The following OLA1 variants were observed in gnomAD, a reference collection of about 807,000 sequenced individuals.
The protein encoded by OLA1 is Obg like ATPase 1.
OLA1 carries 14 observed loss-of-function variants against 48.4 expected under a neutral mutation model. The ratio of observed to expected loss-of-function variants is 0.29; its 90% CI spans 0.19 to 0.45. The LOEUF (loss-of-function observed/expected upper bound fraction) is 0.45. OLA1 is among the 20% of genes least tolerant of loss of function. The pLI is 1.00. For missense variants in OLA1, 325 were observed against 467.1 expected (o/e 0.70, Z 2.80); for synonymous variants, 127 against 150.4 (o/e 0.84, Z 1.14).
chr2:174,172,166 T>C (rs1247625347), intron 4 of OLA1: 1 of 218,520 alleles, frequency 4.6e-6, no homozygotes, highest in Non-Finnish European at 9.9e-6. Flanking sequence ...GCTGGAGAGA[T>C]GTGGCGTTTG....
At chr2:174,089,975 G>C (rs1032488283) in intron 7 of OLA1, among the ~76,000 whole-genome samples, 2 of 151,444 alleles carry the variant, frequency 1.3e-5, no homozygotes, top group African/African-American at 2.4e-5. Flanking sequence ...GGAAACATCT[G>C]TAGTAAGTTA....
intron 4 of OLA1, among the ~76,000 whole-genome samples, chr2:174,210,872 C>T (rs1459910207): frequency 6.6e-6 from 1 of 152,164 alleles, no homozygotes; most frequent in Admixed American, 6.5e-5. Context: ...CCTCTATCAT[C>T]ATTCTTACCT....
At chr2:174,167,508 G>T (rs575733139) in intron 4 of OLA1, among the ~76,000 whole-genome samples, 1 of 152,254 alleles carries the variant, frequency 6.6e-6, no homozygotes, top group East Asian at 1.9e-4. Context: ...CCTGTGAGGC[G>T]GAGGTTGCAG....
At chr2:174,193,466 T>G (rs1288810641) in intron 4 of OLA1, among the ~76,000 whole-genome samples, 1 of 152,180 alleles carries the variant, frequency 6.6e-6, no homozygotes, top group Non-Finnish European at 1.5e-5. Flanking sequence ...CTCATGGTTT[T>G]TTGTTGTTGT....
At chr2:174,110,016 C>G (rs1330707244) in intron 7 of OLA1, among the ~76,000 whole-genome samples, 1 of 151,432 alleles carries the variant, frequency 6.6e-6, no homozygotes, top group East Asian at 1.9e-4. Context: ...TTCATAAGTT[C>G]TCATCATTTA....
intron 7 of OLA1, among the ~76,000 whole-genome samples, chr2:174,105,138 A>C (rs1685486426): frequency 6.6e-6 from 1 of 151,858 alleles, no homozygotes; most frequent in Admixed American, 6.6e-5. Context: ...CTCAAACAAA[A>C]CTTTATAACA....
chr2:174,206,372 AAAAC>A (rs969671886), intron 4 of OLA1, among the ~76,000 whole-genome samples: 4 of 152,078 alleles, frequency 2.6e-5, no homozygotes, highest in Admixed American at 1.3e-4. Flanking sequence ...ATCTCTTAAA[AAAAC>A]AAACAAACAA....
intron 7 of OLA1, among the ~76,000 whole-genome samples, chr2:174,097,164 TA>T (rs1308530170): frequency 6.6e-6 from 1 of 151,718 alleles, no homozygotes; most frequent in Non-Finnish European, 1.5e-5. Flanking sequence ...TCAAAATAAA[TA>T]AATTAATTTT....
intron 5 of OLA1, among the ~76,000 whole-genome samples, chr2:174,136,210 A>T (rs565533595): frequency 6.6e-6 from 1 of 152,248 alleles, no homozygotes; most frequent in East Asian, 1.9e-4. Flanking sequence ...CATATCAATC[A>T]ACTCTTCCTT....
At chr2:174,132,237 T>C (rs962557327) in intron 5 of OLA1, among the ~76,000 whole-genome samples, 40 of 152,088 alleles carry the variant, frequency 2.6e-4, no homozygotes, top group African/African-American at 8.7e-4. Flanking sequence ...GCTTTTCTTT[T>C]TCCCCGTTCA....
chr2:174,158,905 C>T (rs1230024256), intron 4 of OLA1, among the ~76,000 whole-genome samples: 2 of 152,152 alleles, frequency 1.3e-5, no homozygotes, highest in East Asian at 3.8e-4. Context: ...ACTTATTCCC[C>T]TCCATTTCCA....
intron 7 of OLA1, among the ~76,000 whole-genome samples, chr2:174,110,530 G>A (rs1037356058): frequency 6.6e-6 from 1 of 151,666 alleles, no homozygotes; most frequent in African/African-American, 2.4e-5. Flanking sequence ...CTGCAGCCTC[G>A]AATTCCTGGG....
chr2:174,182,832 T>C (rs1334800324), intron 4 of OLA1, among the ~76,000 whole-genome samples: 2 of 152,202 alleles, frequency 1.3e-5, no homozygotes, highest in Non-Finnish European at 2.9e-5. Flanking sequence ...ATGCAAGATG[T>C]TTTGAGTTGA....
intron 4 of OLA1, among the ~76,000 whole-genome samples, chr2:174,200,211 C>T (rs1687960993): frequency 6.6e-6 from 1 of 151,846 alleles, no homozygotes; most frequent in South Asian, 2.1e-4. Flanking sequence ...GTTTTGAGAG[C>T]CCTTAATAAT....
At chr2:174,237,607 T>C (rs34191020) in intron 2 of OLA1, among the ~76,000 whole-genome samples, 21,186 of 151,928 alleles carry the variant, frequency 0.14, 1,634 homozygotes, top group East Asian at 0.22. Context: ...TTTTAATTAC[T>C]CAGGTGGGGT....
intron 4 of OLA1, among the ~76,000 whole-genome samples, chr2:174,183,824 C>T (rs376795378): frequency 3.0e-4 from 45 of 152,282 alleles, no homozygotes; most frequent in Admixed American, 9.2e-4. Flanking sequence ...ACTCAATAAA[C>T]GGTACTCAAT....
At chr2:174,083,307 T>C (rs1470553834) in intron 7 of OLA1, among the ~76,000 whole-genome samples, 1 of 152,090 alleles carries the variant, frequency 6.6e-6, no homozygotes, top group Non-Finnish European at 1.5e-5. Context: ...AATCCATCAA[T>C]GGCAGGGGAG....
At chr2:174,221,883 C>T (rs1467637209) in intron 4 of OLA1, among the ~76,000 whole-genome samples, 1 of 152,138 alleles carries the variant, frequency 6.6e-6, no homozygotes, top group African/African-American at 2.4e-5. Context: ...TGCCAATGTA[C>T]AGGCTTTAGT....
intron 3 of OLA1, among the ~76,000 whole-genome samples, chr2:174,229,039 G>A (rs1688673424): frequency 6.6e-6 from 1 of 152,118 alleles, no homozygotes; most frequent in African/African-American, 2.4e-5. Flanking sequence ...ACCACACCCA[G>A]CTAAATTTTG....
Sources: gnomAD v4.1 joint callset for allele counts (sites outside exome capture counted in the v4.1 genomes callset) on GRCh38, gnomAD v4.1.1 for gene constraint, MANE v1.5 for transcripts, NCBI Gene and HGNC (gene_info 2026-07-23, HGNC 2026-07-21) for gene names.